The following CSF1R variants were observed in gnomAD, a reference collection of about 807,000 sequenced individuals.
The protein encoded by CSF1R is colony stimulating factor 1 receptor.
Under a neutral mutation model 110.0 loss-of-function variants are expected in CSF1R, and 40 were observed. That is an observed-to-expected ratio of 0.36 (90% CI 0.28 to 0.47). The LOEUF is 0.47. Among genes scored for constraint, CSF1R ranks in the 20% least tolerant of loss-of-function variants. CSF1R has a pLI of 0.99. For missense variants in CSF1R, 1,052 were observed against 1,253.0 expected (o/e 0.84, Z 2.42); for synonymous variants, 523 against 503.4 (o/e 1.04, Z -0.52).
rs182760064 is a variant in CSF1R, at chr5:150,069,483, C to T, written c.1510+390G>A. ...GCTGGAGATGGACTGTTTCCTTGCT[C>T]ATTGCCTGCCTCCCTCATCAGCCTC... On this transcript the variant is annotated intron_variant, in intron 9 of 20. Transcript: ENST00000675795. 1.7e-4 allele frequency among the ~76,000 whole-genome samples: 26 copies of T among 152,290 alleles called. No homozygotes were observed. The East Asian group carries it at 5.0e-3, about 29-fold the overall frequency.
intron 3 of CSF1R, among the ~76,000 whole-genome samples, chr5:150,078,541 GC>G: frequency 6.6e-6 from 1 of 151,940 alleles, no homozygotes; most frequent in Admixed American, 6.6e-5. Flanking sequence ...CTCCCTCCAA[GC>G]CCCCCACACC....
intron 1 of CSF1R, among the ~76,000 whole-genome samples, chr5:150,093,168 TC>T (rs1369661330): frequency 1.3e-5 from 2 of 152,172 alleles, no homozygotes; most frequent in African/African-American, 4.8e-5. Flanking sequence ...AACTTCCACC[TC>T]CCAGGTTCAA....
intron 1 of CSF1R, among the ~76,000 whole-genome samples, chr5:150,108,356 A>G (rs967183543): frequency 6.6e-6 from 1 of 152,206 alleles, no homozygotes; most frequent in Non-Finnish European, 1.5e-5. Flanking sequence ...GTAGCACCAA[A>G]AAAAGGGGCA....
At position 150,070,577 on chromosome 5, in the gene CSF1R, GGA is replaced by G. The variant is rs774284648; in HGVS notation, c.1083-8_1083-7del. Reference sequence around the variant, plus strand: ...GAGAGAGGGTGAAGGTGTGCCTGCAGGAGAGAATCAGGTGGTGTTGGTGAGCC... The same window carrying G: ...GAGAGAGGGTGAAGGTGTGCCTGCAGGAGAATCAGGTGGTGTTGGTGAGCC... On this transcript the variant is annotated splice_polypyrimidine_tract_variant and splice_region_variant and intron_variant, in intron 6 of 20. Transcript: ENST00000675795. 9 of 1,509,146 alleles carry G rather than the reference GGA, an allele frequency of 6.0e-6. No individual in the cohort carries two copies. In the South Asian group the frequency reaches 6.5e-5, roughly 11 times the overall value. 93.5% of individuals were successfully genotyped at this position (1,509,146 alleles called of 1,614,324 possible). A position where few individuals can be genotyped will look rare whatever the true frequency, so the allele number is the denominator to read the frequency against.
rs73796308 is a variant in CSF1R, at chr5:150,082,478, G to T, written c.50-1454C>A. On this transcript the variant is annotated intron_variant, in intron 1 of 20. Coordinates refer to ENST00000675795, the MANE Select transcript of CSF1R (RefSeq NM_001288705.3). ...GTGAATTGTGAATACTGCCAAGCCT[G>T]CCACCTGGGGTTGTAGCCCTCCTAT... 9.3e-3 allele frequency among the ~76,000 whole-genome samples: 1,420 copies of T among 152,380 alleles called. 18 individuals are homozygous for T. Among genetic ancestry groups the T allele is most frequent in the African/African-American group, 0.031 (1,299 of 41,594 alleles).
upstream of CSF1R, among the ~76,000 whole-genome samples, chr5:150,089,368 C>T (rs1388800610): frequency 6.6e-6 from 1 of 152,174 alleles, no homozygotes; most frequent in African/African-American, 2.4e-5. Flanking sequence ...ACAAATTCAG[C>T]AAACCTGCAG....
intron 1 of CSF1R, among the ~76,000 whole-genome samples, chr5:150,096,001 A>G (rs13355849): frequency 0.016 from 2,467 of 152,320 alleles, 71 homozygotes; most frequent in African/African-American, 0.056. Context: ...TTTAAAAACT[A>G]AACTTGTAGT....
intron 19 of CSF1R, among the ~76,000 whole-genome samples, chr5:150,054,993 CAAAAAA>C (rs11342950): frequency 8.0e-5 from 6 of 74,782 alleles, no homozygotes; most frequent in Non-Finnish European, 1.5e-4. Context: ...GATGCTGTCT[CAAAAAA>C]AAAAAAAAAA....
chr5:150,090,230 C>T (rs1342444227), upstream of CSF1R, among the ~76,000 whole-genome samples: 1 of 152,102 alleles, frequency 6.6e-6, no homozygotes, highest in African/African-American at 2.4e-5. Flanking sequence ...AATAAAAACA[C>T]ACAGAATGAA....
rs1256984931 is a variant in CSF1R, at chr5:150,080,932, C to T, written c.142G>A (p.Val48Met). The T allele has an allele frequency of 5.0e-6, 8 of 1,614,182 alleles. No individual in the cohort carries two copies. Among genetic ancestry groups the T allele is most frequent in the Non-Finnish European group, 3.4e-6 (4 of 1,180,012 alleles). ...GGTGATGGGGGGCCATCCCATTCCA[C>T]GCTGCCATTGCCCACACATCGCAAG... ...VTLRCVGNGS[V>M]EWDGPPSPHW... The change falls in exon 2 of 21, where the codon GTG becomes ATG. Residue 48 changes from valine (V) to methionine (M), a missense_variant. Val to Met is a conservative substitution (Grantham distance 21, BLOSUM62 1). Coordinates refer to ENST00000675795, the MANE Select transcript of CSF1R (RefSeq NM_001288705.3).
rs1451052456 is a variant in CSF1R at position 150,053,843 on chromosome 5, G to A, written c.*226C>T. 1 of 592,170 alleles carries A rather than the reference G, an allele frequency of 1.7e-6. No homozygotes were observed. The highest frequency in any genetic ancestry group is 3.0e-6 in the Non-Finnish European group (1 of 331,870). 36.7% of individuals were successfully genotyped at this position (592,170 alleles called of 1,614,324 possible). A position where few individuals can be genotyped will look rare whatever the true frequency, so the allele number is the denominator to read the frequency against. On this transcript the variant is annotated 3_prime_UTR_variant, in exon 21 of 21. Coordinates refer to ENST00000675795, the MANE Select transcript of CSF1R (RefSeq NM_001288705.3). ...CATGAGAACAGTAGGGGAGGGGGGG[G>A]TGAGGGCTCAGCCCCCAGCCCCTGA...
At position 150,061,590 on chromosome 5, in the gene CSF1R, T is replaced by C; in HGVS notation, c.1759A>G (p.Thr587Ala). 1 of 1,613,698 alleles carries C rather than the reference T, an allele frequency of 6.2e-7. No individual in the cohort carries two copies. The highest frequency in any genetic ancestry group is 8.5e-7 in the Non-Finnish European group (1 of 1,179,958). The change falls in exon 12 of 21, where the codon ACC becomes GCC. Residue 587 changes from threonine (T) to alanine (A), a missense_variant. Thr to Ala is a moderately conservative substitution (Grantham distance 58). Around this residue, in one of 5 missense-constraint regions of CSF1R, gnomAD observed 76 missense variants for 133.6 expected, o/e 0.57. Coordinates refer to ENST00000675795, the MANE Select transcript of CSF1R (RefSeq NM_001288705.3). ...TTCCCAAAGGCTCCAGCTCCGAGGGTCTTACCTGCCACGCACACAGGTCCC... is the reference window on the plus strand; with the variant it reads ...TTCCCAAAGGCTCCAGCTCCGAGGGCCTTACCTGCCACGCACACAGGTCCC... ...FPRNNLQFGK[T>A]LGAGAFGKVV...
Position 150,054,331 on chromosome 5 carries a change from C to T in CSF1R, c.2754G>A (p.Arg918=). ...GCCTCACCCCACTCACCCGCTCTCT[C>T]CTGTCCTCTTGGGCCTGCTCCTGAA... ...SFLQEQAQED[R]RERDYTNLPS... Residue 918 remains arginine (R), a synonymous_variant, in exon 20 of 21, where the codon AGG becomes AGA. Coordinates refer to ENST00000675795, the MANE Select transcript of CSF1R (RefSeq NM_001288705.3). 1.2e-6 allele frequency: 2 copies of T among 1,614,180 alleles called. No homozygotes were observed. Among genetic ancestry groups the T allele is most frequent in the Non-Finnish European group, 1.7e-6 (2 of 1,180,028 alleles).
intron 7 of CSF1R, 73 bp downstream of exon 7, chr5:150,070,383 G>T (rs1028371935): frequency 1.3e-6 from 2 of 1,580,332 alleles, no homozygotes; most frequent in Non-Finnish European, 1.7e-6. Context: ...CCTGTGCCCT[G>T]CCCCAGTCAA....
intron 1 of CSF1R, among the ~76,000 whole-genome samples, chr5:150,104,095 C>T (rs1158919041): frequency 6.6e-6 from 1 of 152,216 alleles, no homozygotes; most frequent in Non-Finnish European, 1.5e-5. Context: ...GCTGAGGCCA[C>T]TGCCTTTGAG....
chr5:150,111,838 A>C (rs1473165711), intron 1 of CSF1R, among the ~76,000 whole-genome samples: 1 of 152,230 alleles, frequency 6.6e-6, no homozygotes, highest in Non-Finnish European at 1.5e-5. Flanking sequence ...TCATTATGCC[A>C]ATGGGAAAAG....
At chr5:150,071,656 T>G (rs1414959772) in intron 6 of CSF1R, among the ~76,000 whole-genome samples, 1 of 152,226 alleles carries the variant, frequency 6.6e-6, no homozygotes, top group Non-Finnish European at 1.5e-5. Context: ...TCCAGGCTTG[T>G]CTGCCTTGTG....
chr5:150,068,264 AT>A lies in CSF1R; in HGVS notation c.1576del (p.Met526TrpfsTer86), dbSNP rs1255583313. On this transcript the variant is annotated frameshift_variant, in exon 10 of 21. Transcript: ENST00000675795. LOFTEE classifies it high-confidence loss of function. ...CAGGAGCAGCAGCAGCAGCAAGGCC[AT>A]GATGGACATGCAGGCGACCACCACT... ...TPVVVACMSIMALLLLLLLLL... is the reference protein window; with the variant it reads ...TPVVVACMSIXALLLLLLLLL... The A allele has an allele frequency of 6.2e-7, 1 of 1,612,768 alleles. No homozygotes were observed. The highest frequency in any genetic ancestry group is 2.2e-5 in the East Asian group (1 of 44,870).
intron 1 of CSF1R, among the ~76,000 whole-genome samples, chr5:150,082,274 CCAT>C (rs1758585506): frequency 6.6e-6 from 1 of 152,218 alleles, no homozygotes; most frequent in South Asian, 2.1e-4. Flanking sequence ...CAGGGTATCT[CCAT>C]TGTTCTCTGC....
Sources: allele counts gnomAD v4.1 joint callset (sites outside exome capture counted in the v4.1 genomes callset), GRCh38; gene constraint gnomAD v4.1.1; regional missense constraint gnomAD v4.1.1; transcripts MANE v1.5; gene names NCBI Gene and HGNC (gene_info 2026-07-23, HGNC 2026-07-21).